Variants in CNTN3 observed in about 807,000 individuals in gnomAD.
The protein encoded by CNTN3 is contactin 3.
Under a neutral mutation model 119.1 loss-of-function variants are expected in CNTN3, and 60 were observed. The observed-to-expected ratio is 0.50, with a 90% CI of 0.41 to 0.62. The LOEUF (loss-of-function observed/expected upper bound fraction) is 0.62. Ranked by LOEUF, CNTN3 falls within the 20% of genes least tolerant of loss-of-function variation. CNTN3 has a pLI of 0.00. For missense variants in CNTN3, 1,101 were observed against 1,242.4 expected (o/e 0.89, Z 1.71); for synonymous variants, 450 against 438.7 (o/e 1.03, Z -0.32).
chr3:74,367,881 A>G (rs1364642975), intron 8 of CNTN3, among the ~76,000 whole-genome samples: 1 of 152,050 alleles, frequency 6.6e-6, no homozygotes, highest in Non-Finnish European at 1.5e-5. Context: ...CTTATCCTAG[A>G]TCAAGTAGTG....
Position 74,301,447 on chromosome 3 carries a change from T to C in CNTN3, c.2046A>G (p.Gly682=). ...CTGAGGGTAAACTTGGTTCTCCACC[T>C]CCAATTTTGTTACTGGCTACAACCC... ...EFRVVASNKI[G]GGEPSLPSEK... is the part of the protein sequence containing the mutation. The change falls in exon 16 of 23, where the codon GGA becomes GGG. Residue 682 remains glycine, a synonymous_variant. Transcript: ENST00000263665. 2.5e-6 allele frequency: 4 copies of C among 1,614,100 alleles called. No individual in the cohort carries two copies. The highest frequency in any genetic ancestry group is 3.4e-6 in the Non-Finnish European group (4 of 1,179,980).
chr3:74,399,705 A>G (rs747124146), intron 5 of CNTN3, among the ~76,000 whole-genome samples: 7 of 152,104 alleles, frequency 4.6e-5, no homozygotes, highest in Non-Finnish European at 8.8e-5. Flanking sequence ...TAGGTCTTTG[A>G]GGAATTGCCA....
intron 11 of CNTN3, among the ~76,000 whole-genome samples, chr3:74,353,624 CA>C (rs1703867333): frequency 1.3e-5 from 2 of 151,996 alleles, no homozygotes; most frequent in South Asian, 4.1e-4. Flanking sequence ...GGCGTGGTGG[CA>C]GGCGCCTGTA....
chr3:74,289,774 A>G (rs1035557329), intron 19 of CNTN3, among the ~76,000 whole-genome samples: 1 of 152,214 alleles, frequency 6.6e-6, no homozygotes, highest in Non-Finnish European at 1.5e-5. Context: ...CCCAAACTGC[A>G]GTTATTCAAT....
At chr3:74,385,845 A>G (rs758967899) in intron 5 of CNTN3, among the ~76,000 whole-genome samples, 66 of 152,344 alleles carry the variant, frequency 4.3e-4, no homozygotes, top group South Asian at 8.3e-4. Context: ...AATATACTTC[A>G]GCCAAATAGT....
intron 5 of CNTN3, among the ~76,000 whole-genome samples, chr3:74,401,055 G>C (rs1235584789): frequency 6.6e-6 from 1 of 152,132 alleles, no homozygotes; most frequent in Non-Finnish European, 1.5e-5. Context: ...GAAGAGGAGG[G>C]AAGAAAAACT....
At chr3:74,543,558 T>C (rs1009977969) in intron 1 of CNTN3, among the ~76,000 whole-genome samples, 3 of 152,188 alleles carry the variant, frequency 2.0e-5, no homozygotes, top group African/African-American at 7.2e-5. Flanking sequence ...TAAAATGATA[T>C]AAACTAATTT....
intron 13 of CNTN3, among the ~76,000 whole-genome samples, chr3:74,305,628 T>C (rs1042325707): frequency 6.6e-6 from 1 of 151,748 alleles, no homozygotes; most frequent in Admixed American, 6.6e-5. Context: ...GCGTGAAGGA[T>C]ATGAACCAGA....
At chr3:74,448,652 G>A (rs1039877718) in intron 4 of CNTN3, among the ~76,000 whole-genome samples, 1 of 152,070 alleles carries the variant, frequency 6.6e-6, no homozygotes, top group East Asian at 1.9e-4. Flanking sequence ...TTATTGGGTT[G>A]TGAAGATAAC....
At chr3:74,395,296 A>T (rs1705018785) in intron 5 of CNTN3, among the ~76,000 whole-genome samples, 1 of 152,148 alleles carries the variant, frequency 6.6e-6, no homozygotes, top group African/African-American at 2.4e-5. Flanking sequence ...TGAAGAACAT[A>T]ACCAAGACTG....
chr3:74,563,511 T>C (rs967074475), intron 1 of CNTN3, among the ~76,000 whole-genome samples: 1 of 152,184 alleles, frequency 6.6e-6, no homozygotes, highest in Non-Finnish European at 1.5e-5. Flanking sequence ...TAGCATTCTA[T>C]CTAGACAGCC....
chr3:74,321,827 C>A (rs1702999932), intron 13 of CNTN3, among the ~76,000 whole-genome samples: 1 of 151,946 alleles, frequency 6.6e-6, no homozygotes, highest in Admixed American at 6.6e-5. Context: ...TATAATCTGC[C>A]AAAAGTTATA....
intron 3 of CNTN3, among the ~76,000 whole-genome samples, chr3:74,495,167 A>G (rs1703037583): frequency 6.6e-6 from 1 of 152,052 alleles, no homozygotes; most frequent in Non-Finnish European, 1.5e-5. Context: ...AAAGGAGTTG[A>G]ACTTGAGCAT....
intron 20 of CNTN3, among the ~76,000 whole-genome samples, chr3:74,280,768 G>T (rs981265948): frequency 1.3e-5 from 2 of 152,208 alleles, no homozygotes; most frequent in Non-Finnish European, 1.5e-5. Context: ...TGAAGGGGCT[G>T]ACACTCCGGC....
chr3:74,604,407 A>G (rs890722952), intron 1 of CNTN3, among the ~76,000 whole-genome samples: 1 of 152,144 alleles, frequency 6.6e-6, no homozygotes, highest in African/African-American at 2.4e-5. Flanking sequence ...TCTGCAAACC[A>G]CACATCTGTA....
At chr3:74,572,680 AT>A (rs1704353668) in intron 1 of CNTN3, among the ~76,000 whole-genome samples, 1 of 152,170 alleles carries the variant, frequency 6.6e-6, no homozygotes, top group Admixed American at 6.5e-5. Context: ...TAACTTTTGG[AT>A]TTTATTAAAT....
At chr3:74,293,064 C>T (rs988792287) in intron 19 of CNTN3, among the ~76,000 whole-genome samples, 2 of 152,238 alleles carry the variant, frequency 1.3e-5, no homozygotes, top group Admixed American at 6.5e-5. Context: ...TCTGATCAGG[C>T]TTCTCTGTCA....
chr3:74,402,421 T>C lies in CNTN3; in HGVS notation c.454+22424A>G, dbSNP rs181623249. Among the ~76,000 whole-genome samples, 61 of 152,324 alleles carry C rather than the reference T, an allele frequency of 4.0e-4. 1 individual carries two copies. In the South Asian group the frequency reaches 6.6e-3, roughly 17 times the overall value. ...GGAACTCATCAATTTCTACCTTATT[T>C]AGAAGCATTCCTTTTTCTTCTTCTA... On this transcript the variant is annotated intron_variant, in intron 5 of 22. Coordinates refer to ENST00000263665, the MANE Select transcript of CNTN3 (RefSeq NM_020872.3).
At chr3:74,422,934 T>A (rs1357584333) in intron 5 of CNTN3, among the ~76,000 whole-genome samples, 3 of 152,032 alleles carry the variant, frequency 2.0e-5, no homozygotes, top group Non-Finnish European at 2.9e-5. Context: ...GCTTCAGGGC[T>A]CCCATAAAAA....
Sources: allele counts gnomAD v4.1 joint callset (sites outside exome capture counted in the v4.1 genomes callset), GRCh38; gene constraint gnomAD v4.1.1; transcripts MANE v1.5; gene names NCBI Gene and HGNC (gene_info 2026-07-23, HGNC 2026-07-21).